The following EFCAB7 variants were observed in gnomAD, a reference collection of about 807,000 sequenced individuals.
The protein encoded by EFCAB7 is EF-hand calcium binding domain 7.
EFCAB7 carries 66 observed loss-of-function variants against 77.1 expected under a neutral mutation model. The ratio of observed to expected loss-of-function variants is 0.86; its 90% CI spans 0.70 to 1.05. EFCAB7 has a LOEUF of 1.05. Among genes scored for constraint, EFCAB7 ranks in the 50% least tolerant of loss-of-function variants. The probability of loss-of-function intolerance (pLI) is 0.00; values close to 1 mark genes in which losing one functional copy is unlikely to be tolerated. For synonymous variants in EFCAB7, 225 were observed against 243.3 expected (o/e 0.92, Z 0.70); for missense variants, 638 against 730.5 (o/e 0.87, Z 1.46).
At chr1:63,551,977 T>C (rs1646971185) in intron 8 of EFCAB7, 143 bp downstream of exon 8, 2 of 271,948 alleles carry the variant, frequency 7.4e-6, no homozygotes, top group Non-Finnish European at 6.7e-6. Flanking sequence ...ACTATAGATA[T>C]TATATGTTTT....
chr1:63,557,378 T>G (rs951456204), intron 10 of EFCAB7, 131 bp downstream of exon 10: 4 of 809,198 alleles, frequency 4.9e-6, no homozygotes, highest in Non-Finnish European at 7.1e-6. Flanking sequence ...GAAAGTAGTA[T>G]TGTTTGTAGA....
intron 1 of EFCAB7, among the ~76,000 whole-genome samples, chr1:63,524,729 C>T (rs193206293): frequency 6.6e-6 from 1 of 152,108 alleles, no homozygotes; most frequent in Non-Finnish European, 1.5e-5. Flanking sequence ...AGAAACTGTT[C>T]GTGAAATTTA....
intron 8 of EFCAB7, 163 bp downstream of exon 8, chr1:63,551,997 CAT>C (rs1646971609): frequency 9.0e-6 from 2 of 221,314 alleles, no homozygotes; most frequent in African/African-American, 2.4e-5. Flanking sequence ...TTAATTTAAT[CAT>C]ATTAAATTAA....
the EFCAB7 span, among the ~76,000 whole-genome samples, chr1:63,584,321 G>GAGGTGGA: frequency 6.6e-6 from 1 of 152,188 alleles, no homozygotes; most frequent in African/African-American, 2.4e-5. Context: ...TTGGGAGGCT[G>GAGGTGGA]AGGTGGAAGG....
chr1:63,561,947 G>C, intron 11 of EFCAB7, 90 bp downstream of exon 11: 2 of 970,354 alleles, frequency 2.1e-6, no homozygotes, highest in Admixed American at 7.7e-5. Context: ...TTTCGAATTG[G>C]GCACCCAAAT....
the EFCAB7 span, among the ~76,000 whole-genome samples, chr1:63,582,605 G>A: frequency 6.6e-6 from 1 of 152,186 alleles, no homozygotes; most frequent in African/African-American, 2.4e-5. Context: ...CAAAGCAAAA[G>A]GAAGTTTTTT....
At chr1:63,560,937 C>G (rs1446241200) in intron 10 of EFCAB7, among the ~76,000 whole-genome samples, 5 of 152,186 alleles carry the variant, frequency 3.3e-5, no homozygotes, top group Non-Finnish European at 7.3e-5. Context: ...CTACCCATTT[C>G]CCTTGGATAT....
intron 6 of EFCAB7, among the ~76,000 whole-genome samples, chr1:63,539,388 A>G (rs1646801978): frequency 6.6e-6 from 1 of 152,202 alleles, no homozygotes. Context: ...CAAATAATTA[A>G]GTTTATCTTA....
intron 2 of EFCAB7, among the ~76,000 whole-genome samples, chr1:63,526,078 A>C (rs1029163718): frequency 6.6e-6 from 1 of 152,186 alleles, no homozygotes; most frequent in African/African-American, 2.4e-5. Context: ...TTGGCCTCTT[A>C]AGTCACTAGC....
intron 6 of EFCAB7, among the ~76,000 whole-genome samples, chr1:63,542,371 T>G (rs919212984): frequency 2.0e-5 from 3 of 152,240 alleles, no homozygotes; most frequent in Non-Finnish European, 4.4e-5. Flanking sequence ...ACATTAGGGT[T>G]GTTTCTACCT....
At chr1:63,549,674 C>T (rs1570415253) in intron 7 of EFCAB7, 2 of 289,844 alleles carry the variant, frequency 6.9e-6, no homozygotes, top group East Asian at 2.2e-4. Context: ...AATACATTCC[C>T]ATCTACTAAA....
At chr1:63,568,219 A>G in intron 11 of EFCAB7, 91 bp from the exon 12 acceptor site, 1 of 1,080,520 alleles carries the variant, frequency 9.3e-7, no homozygotes, top group Non-Finnish European at 1.3e-6. Context: ...ACAAGCTAGA[A>G]GGTATAGCAT....
chr1:63,566,965 CTTTCT>C (rs1220721982), intron 11 of EFCAB7, among the ~76,000 whole-genome samples: 2 of 151,360 alleles, frequency 1.3e-5, no homozygotes, highest in Non-Finnish European at 2.9e-5. Flanking sequence ...CTTCAGACTT[CTTTCT>C]TTTATTTTCT....
intron 6 of EFCAB7, among the ~76,000 whole-genome samples, chr1:63,543,171 C>A (rs1646850340): frequency 6.6e-6 from 1 of 152,118 alleles, no homozygotes; most frequent in African/African-American, 2.4e-5. Flanking sequence ...TTCAGTTTTC[C>A]CAGCCTCATT....
intron 10 of EFCAB7, among the ~76,000 whole-genome samples, chr1:63,560,212 A>G (rs1358873061): frequency 1.1e-4 from 16 of 152,130 alleles, no homozygotes; most frequent in Admixed American, 1.0e-3. Flanking sequence ...TCAGCCTCCC[A>G]AAGTGCTGGG....
chr1:63,533,443 T>C lies in EFCAB7; in HGVS notation c.487-11T>C, dbSNP rs201173763. On this transcript the variant is annotated splice_polypyrimidine_tract_variant and intron_variant, in intron 4 of 13. Transcript: ENST00000371088. Reference sequence around the variant, plus strand: ...GAATGTTTTACCCACTGGACTTTTTTTTTCCTGTAGTTTTGTAAATTATAT... The same window carrying C: ...GAATGTTTTACCCACTGGACTTTTTCTTTCCTGTAGTTTTGTAAATTATAT... The C allele has an allele frequency of 2.5e-6, 4 of 1,594,900 alleles. No individual in the cohort carries two copies. Among genetic ancestry groups the C allele is most frequent in the Non-Finnish European group, 3.4e-6 (4 of 1,174,618 alleles).
chr1:63,552,803 G>C (rs1321703121), intron 8 of EFCAB7, among the ~76,000 whole-genome samples: 1 of 152,170 alleles, frequency 6.6e-6, no homozygotes, highest in Non-Finnish European at 1.5e-5. Context: ...TTATATAAAA[G>C]TCTTTTTTGT....
chr1:63,560,296 G>C (rs1375987233), intron 10 of EFCAB7, among the ~76,000 whole-genome samples: 1 of 151,952 alleles, frequency 6.6e-6, no homozygotes, highest in Non-Finnish European at 1.5e-5. Flanking sequence ...AGAATTTTAA[G>C]TTTTAAAAAG....
chr1:63,561,809 G>A lies in EFCAB7; in HGVS notation c.1449G>A (p.Trp483Ter). ...NDREGDPCDL[W>*]VTLHSMGYNK... ...GAGAAGGAGATCCTTGTGACCTTTG[G>A]GTAACTCTACACTCTATGGGCTACA... Residue 483 changes from tryptophan (W) to a stop codon, truncating the protein, a stop_gained, in exon 11 of 14, where the codon TGG (tryptophan) becomes TGA (stop). Coordinates refer to ENST00000371088, the MANE Select transcript of EFCAB7 (RefSeq NM_032437.4). LOFTEE classifies it high-confidence loss of function. The A allele has an allele frequency of 6.2e-7, 1 of 1,608,518 alleles. No individual in the cohort carries two copies. Among genetic ancestry groups the A allele is most frequent in the Non-Finnish European group, 8.5e-7 (1 of 1,176,614 alleles).
Sources: gnomAD v4.1 joint callset for allele counts (sites outside exome capture counted in the v4.1 genomes callset) on GRCh38, gnomAD v4.1.1 for gene constraint, MANE v1.5 for transcripts, NCBI Gene and HGNC (gene_info 2026-07-23, HGNC 2026-07-21) for gene names.